Variants in UPF2 observed in about 807,000 individuals in gnomAD.
UPF2 encodes UPF2 regulator of nonsense mediated mRNA decay.
In UPF2, 17 loss-of-function variants were observed where a neutral mutation model predicts 141.4. The ratio of observed to expected loss-of-function variants is 0.12; its 90% confidence interval spans 0.08 to 0.18. The LOEUF is 0.18. UPF2 is among the 10% of genes least tolerant of loss of function. UPF2 has a pLI of 1.00. For missense variants in UPF2, 1,152 were observed against 1,515.9 expected (o/e 0.76, Z 3.99); for synonymous variants, 540 against 498.0 (o/e 1.08, Z -1.12).
chr10:11,948,726 A>G (rs1251606807), intron 15 of UPF2, among the ~76,000 whole-genome samples: 1 of 152,210 alleles, frequency 6.6e-6, no homozygotes, highest in African/African-American at 2.4e-5. Flanking sequence ...AAAAAGCGAG[A>G]AAAAATAAGT....
At chr10:11,988,629 AG>A (rs1407299304) in intron 8 of UPF2, among the ~76,000 whole-genome samples, 7 of 152,200 alleles carry the variant, frequency 4.6e-5, no homozygotes, top group Non-Finnish European at 8.8e-5. Flanking sequence ...ATCTGACTGA[AG>A]GAGTCTCAAA....
chr10:11,948,299 AT>A, intron 16 of UPF2, 69 bp downstream of exon 16: 1 of 1,444,320 alleles, frequency 6.9e-7, no homozygotes. Context: ...TATTAAAAAA[AT>A]TTTGGCTCAT....
rs553598182 is a variant in UPF2 at position 11,988,672 on chromosome 10, C to T, written c.1844+9000G>A. Among the ~76,000 whole-genome samples the T allele has an allele frequency of 3.2e-4, 49 of 152,246 alleles. 1 individual carries two copies. The highest frequency in any genetic ancestry group is 1.1e-3 in the African/African-American group (46 of 41,554). On this transcript the variant is annotated intron_variant, in intron 8 of 21. Coordinates refer to ENST00000357604, the MANE Select transcript of UPF2 (RefSeq NM_015542.4). Reference sequence around the variant, plus strand: ...GGGTGAGTATGGGTGCAGGACGAGGCCAGGATGCCAAAAGGTGATAGTATT... The same window carrying T: ...GGGTGAGTATGGGTGCAGGACGAGGTCAGGATGCCAAAAGGTGATAGTATT...
At chr10:11,949,366 C>G (rs913574420) in intron 15 of UPF2, among the ~76,000 whole-genome samples, 3 of 152,214 alleles carry the variant, frequency 2.0e-5, no homozygotes, top group African/African-American at 7.2e-5. Context: ...TATGCACTTT[C>G]AAATCCCATC....
chr10:12,012,126 G>A (rs1834138592), intron 4 of UPF2, among the ~76,000 whole-genome samples: 4 of 149,406 alleles, frequency 2.7e-5, no homozygotes, highest in African/African-American at 7.4e-5. Context: ...GCAATGGCGC[G>A]AGCCTGGCTC....
intron 9 of UPF2, among the ~76,000 whole-genome samples, chr10:11,976,118 T>C (rs960055679): frequency 6.6e-6 from 1 of 152,224 alleles, no homozygotes; most frequent in Non-Finnish European, 1.5e-5. Context: ...TTTCTAATCG[T>C]CAGTGAAATT....
At chr10:11,926,380 G>A (rs1466960475) in intron 21 of UPF2, among the ~76,000 whole-genome samples, 1 of 152,184 alleles carries the variant, frequency 6.6e-6, no homozygotes, top group Non-Finnish European at 1.5e-5. Flanking sequence ...AGACCTGGAT[G>A]GAAGTCAGGC....
In UPF2 at chr10:11,977,915, T is replaced by C. The variant is rs138458778; in HGVS notation, c.1953+1142A>G. Among the ~76,000 whole-genome samples the C allele has an allele frequency of 1.6e-3, 240 of 152,258 alleles. 1 individual carries two copies. Among genetic ancestry groups the C allele is most frequent in the African/African-American group, 5.3e-3 (219 of 41,556 alleles). On this transcript the variant is annotated intron_variant, in intron 9 of 21. Coordinates refer to ENST00000357604, the MANE Select transcript of UPF2 (RefSeq NM_015542.4). ...ACCTTCCCTTACGTACTACTACCTA[T>C]GAAAATCTGAAAAACACTTTAGCAA...
At chr10:12,032,251 G>A (rs917262203) in intron 2 of UPF2, among the ~76,000 whole-genome samples, 5 of 150,282 alleles carry the variant, frequency 3.3e-5, no homozygotes, top group East Asian at 2.0e-4. Context: ...CCGAGATCGC[G>A]CCATTGCATT....
chr10:12,023,580 C>G (rs1468571112), intron 3 of UPF2, among the ~76,000 whole-genome samples: 1 of 151,096 alleles, frequency 6.6e-6, no homozygotes, highest in African/African-American at 2.4e-5. Flanking sequence ...ATCCCAGTTA[C>G]TCGGGAGGCT....
chr10:11,962,638 A>T (rs1463532856), intron 11 of UPF2, among the ~76,000 whole-genome samples: 1 of 152,040 alleles, frequency 6.6e-6, no homozygotes, highest in African/African-American at 2.4e-5. Flanking sequence ...TCGCCTCCAT[A>T]CTAATCTTTC....
intron 14 of UPF2, among the ~76,000 whole-genome samples, chr10:11,954,362 G>T (rs1420505805): frequency 6.6e-6 from 1 of 151,970 alleles, no homozygotes; most frequent in Non-Finnish European, 1.5e-5. Flanking sequence ...GCTGGGCACA[G>T]TGACTCACGC....
At chr10:12,004,838 C>G in intron 4 of UPF2, 111 bp from the exon 5 acceptor site, 1 of 990,678 alleles carries the variant, frequency 1.0e-6, no homozygotes. Flanking sequence ...AGTGTTTCAA[C>G]TGACAGGAAC....
intron 3 of UPF2, among the ~76,000 whole-genome samples, chr10:12,018,535 C>T (rs1385522276): frequency 1.3e-5 from 2 of 151,912 alleles, no homozygotes; most frequent in Admixed American, 6.6e-5. Context: ...GAGCCAAGAC[C>T]GCACCACTGC....
chr10:11,946,171 C>T (rs1588531221), intron 16 of UPF2, among the ~76,000 whole-genome samples: 1 of 152,176 alleles, frequency 6.6e-6, no homozygotes, highest in Admixed American at 6.5e-5. Flanking sequence ...ATTGCCTATA[C>T]TGTCTTTTCA....
chr10:12,003,923 CAAAAAAAA>C (rs34191709), intron 5 of UPF2, among the ~76,000 whole-genome samples: 5 of 81,560 alleles, frequency 6.1e-5, no homozygotes, highest in South Asian at 4.6e-4. Context: ...AACTCCGCCT[CAAAAAAAA>C]AAAAAAAAAA....
chr10:11,971,815 G>A (rs1833422335), intron 9 of UPF2, among the ~76,000 whole-genome samples: 1 of 152,080 alleles, frequency 6.6e-6, no homozygotes, highest in African/African-American at 2.4e-5. Flanking sequence ...TATAATCCCA[G>A]CGCTTTGGGA....
rs146737438 is a variant in UPF2, at chr10:11,961,209, T to G, written c.2185-1853A>C. On this transcript the variant is annotated intron_variant, in intron 11 of 21. Transcript: ENST00000357604. ...CTACTTACAAGAAACTTAACAGTCT[T>G]GTGTCAGAAGACAGAATAAAATCAA... is the stretch of plus-strand genomic sequence containing the variant. 1.6e-3 allele frequency among the ~76,000 whole-genome samples: 237 copies of G among 152,158 alleles called. 1 individual carries two copies. Among genetic ancestry groups the G allele is most frequent in the African/African-American group, 5.3e-3 (219 of 41,508 alleles).
chr10:11,921,165 G>C lies in UPF2; in HGVS notation c.*133C>G, dbSNP rs1832638456. 1.6e-6 allele frequency: 2 copies of C among 1,264,686 alleles called. No individual in the cohort carries two copies. Among genetic ancestry groups the C allele is most frequent in the Admixed American group, 3.4e-5 (2 of 59,496 alleles). The allele number at this position is 1,264,686 out of a possible 1,614,324, so 78.3% of individuals were successfully genotyped here. A position where few individuals can be genotyped will look rare whatever the true frequency, so the allele number is the denominator to read the frequency against. ...TGTTTCTGCCTCCTGGCCCCAGCCT[G>C]TCCCAGGTTTAGATTCGCAACTCTC... On this transcript the variant is annotated 3_prime_UTR_variant, in exon 22 of 22. Transcript: ENST00000357604. This position sits in a 1 kb window ranked among gnomAD's most constrained non-coding sequence, Gnocchi z 5.9.
Sources: allele counts gnomAD v4.1 joint callset (sites outside exome capture counted in the v4.1 genomes callset), GRCh38; gene constraint gnomAD v4.1.1; non-coding constraint Gnocchi (gnomAD v3.1); transcripts MANE v1.5; gene names NCBI Gene and HGNC (gene_info 2026-07-23, HGNC 2026-07-21).